The following SLIT3 variants were observed in gnomAD, a reference collection of about 807,000 sequenced individuals.
SLIT3 encodes the protein slit homolog 3 protein.
In SLIT3, 68 loss-of-function variants were observed where a neutral mutation model predicts 184.0. The observed-to-expected ratio is 0.37, with a 90% CI of 0.30 to 0.45. SLIT3 has a LOEUF of 0.45. SLIT3 is among the 20% of genes least tolerant of loss of function. The probability of loss-of-function intolerance (pLI) is 1.00; values close to 1 mark genes in which losing one functional copy is unlikely to be tolerated. For missense variants in SLIT3, 1,707 were observed against 2,026.0 expected, an observed-to-expected ratio of 0.84 and a Z score of 3.02; for synonymous variants, 831 against 828.6, an observed-to-expected ratio of 1.00 and a Z score of -0.05.
chr5:168,823,942 C>A (rs75271642), intron 6 of SLIT3, among the ~76,000 whole-genome samples: 141 of 152,246 alleles, frequency 9.3e-4, no homozygotes, highest in Non-Finnish European at 1.4e-3. Flanking sequence ...CTGACTCTTT[C>A]AGCACATCTA....
intron 8 of SLIT3, among the ~76,000 whole-genome samples, chr5:168,815,490 T>A (rs1485641267): frequency 6.6e-6 from 1 of 152,218 alleles, no homozygotes; most frequent in Non-Finnish European, 1.5e-5. Context: ...CTTTCACTTA[T>A]GCCGATATTG....
intron 23 of SLIT3, chr5:168,718,298 G>C (rs1034539985): frequency 1.3e-5 from 2 of 152,244 alleles, no homozygotes; most frequent in South Asian, 2.1e-4. Flanking sequence ...AGCCCCGTGG[G>C]TATAAACAGC....
chr5:169,145,557 A>G (rs1253408925), intron 4 of SLIT3, among the ~76,000 whole-genome samples: 2 of 152,210 alleles, frequency 1.3e-5, no homozygotes, highest in African/African-American at 4.8e-5. Context: ...CCAGCCACAT[A>G]CATTGGGCTC....
chr5:169,259,300 C>T (rs1280770305), intron 1 of SLIT3, among the ~76,000 whole-genome samples: 1 of 152,192 alleles, frequency 6.6e-6, no homozygotes, highest in Non-Finnish European at 1.5e-5. Flanking sequence ...CTCAGGTGAT[C>T]CAACCGCCTC....
intron 4 of SLIT3, among the ~76,000 whole-genome samples, chr5:169,108,174 A>G (rs1285610641): frequency 2.6e-5 from 4 of 152,254 alleles, no homozygotes; most frequent in Non-Finnish European, 1.5e-5. Context: ...GAACATGCAG[A>G]GTAAACAAAA....
At chr5:169,145,957 A>G (rs1453909452) in intron 4 of SLIT3, among the ~76,000 whole-genome samples, 1 of 152,202 alleles carries the variant, frequency 6.6e-6, no homozygotes, top group Non-Finnish European at 1.5e-5. Context: ...AGGTTGAGGC[A>G]GGAGAATCAC....
chr5:168,937,343 C>A (rs1488126806), intron 4 of SLIT3, among the ~76,000 whole-genome samples: 3 of 152,100 alleles, frequency 2.0e-5, no homozygotes, highest in African/African-American at 7.2e-5. Context: ...ATCGAACATG[C>A]ATTTTGGAAG....
chr5:169,272,246 A>G (rs1766653268), intron 1 of SLIT3, among the ~76,000 whole-genome samples: 1 of 152,212 alleles, frequency 6.6e-6, no homozygotes, highest in Non-Finnish European at 1.5e-5. Context: ...ACCCTGACCC[A>G]CAATCCCAGG....
At chr5:168,913,753 C>CA (rs758320799) in intron 4 of SLIT3, among the ~76,000 whole-genome samples, 8 of 144,844 alleles carry the variant, frequency 5.5e-5, no homozygotes, top group South Asian at 2.2e-4. Context: ...AAAAAAAAAA[C>CA]AAACAAACAA....
intron 4 of SLIT3, among the ~76,000 whole-genome samples, chr5:169,066,185 T>C (rs376131500): frequency 6.6e-6 from 1 of 152,362 alleles, no homozygotes; most frequent in East Asian, 1.9e-4. Context: ...AATTATATTC[T>C]GACTGCAGTG....
chr5:168,726,607 A>G (rs1763137678), intron 20 of SLIT3, among the ~76,000 whole-genome samples: 1 of 150,938 alleles, frequency 6.6e-6, no homozygotes, highest in African/African-American at 2.4e-5. Flanking sequence ...ATAAAGAAAT[A>G]TAAATTATGA....
intron 4 of SLIT3, among the ~76,000 whole-genome samples, chr5:168,935,096 C>T (rs1288374431): frequency 6.7e-6 from 1 of 148,844 alleles, no homozygotes; most frequent in Non-Finnish European, 1.5e-5. Flanking sequence ...CGACATCGCA[C>T]CACTGCACTC....
chr5:169,202,822 CCAAA>C (rs1763946104), intron 3 of SLIT3, among the ~76,000 whole-genome samples: 1 of 132,082 alleles, frequency 7.6e-6, no homozygotes, highest in African/African-American at 2.8e-5. Context: ...CACACACATA[CCAAA>C]CAATCTCTTT....
chr5:168,969,325 G>A (rs186532396), intron 4 of SLIT3, among the ~76,000 whole-genome samples: 73 of 152,266 alleles, frequency 4.8e-4, no homozygotes, highest in African/African-American at 1.7e-3. Context: ...AAATTATGCA[G>A]AGGTTTTTGG....
At chr5:169,042,732 C>T (rs1159418616) in intron 4 of SLIT3, among the ~76,000 whole-genome samples, 2 of 152,098 alleles carry the variant, frequency 1.3e-5, no homozygotes, top group Non-Finnish European at 2.9e-5. Flanking sequence ...ACCAACATTG[C>T]CAACCCGAGA....
At chr5:168,949,344 C>T (rs1762577490) in intron 4 of SLIT3, among the ~76,000 whole-genome samples, 3 of 152,296 alleles carry the variant, frequency 2.0e-5, no homozygotes, top group South Asian at 2.1e-4. Context: ...AAATTCAAAG[C>T]AACTGGGGGC....
intron 4 of SLIT3, chr5:169,120,265 C>T (rs1760830494): frequency 6.6e-6 from 1 of 152,148 alleles, no homozygotes; most frequent in African/African-American, 2.4e-5. Flanking sequence ...CTCTATCTTC[C>T]TCATAATAGT....
chr5:169,193,172 C>T (rs1042779973), intron 4 of SLIT3, among the ~76,000 whole-genome samples: 15 of 152,162 alleles, frequency 9.9e-5, no homozygotes, highest in African/African-American at 3.6e-4. Flanking sequence ...AGGGAATTTA[C>T]CTGAAGTAAG....
intron 4 of SLIT3, among the ~76,000 whole-genome samples, chr5:169,126,645 TGACAC>T (rs1027584123): frequency 7.9e-5 from 12 of 152,190 alleles, no homozygotes. Context: ...TCTGCTCCCT[TGACAC>T]GACAACATTA....
Sources: allele counts gnomAD v4.1 joint callset (sites outside exome capture counted in the v4.1 genomes callset), GRCh38; gene constraint gnomAD v4.1.1; transcripts MANE v1.5; gene names NCBI Gene and HGNC (gene_info 2026-07-23, HGNC 2026-07-21).